The following SPNS3 variants were observed in gnomAD, a reference collection of about 807,000 sequenced individuals.
SPNS3 encodes the protein protein spinster homolog 3.
In SPNS3, 51 loss-of-function variants were observed where a neutral mutation model predicts 54.4. The ratio of observed to expected loss-of-function variants is 0.94; its 90% CI spans 0.75 to 1.18. SPNS3 has a LOEUF of 1.18. SPNS3 is among the 50% of genes most tolerant of loss of function. SPNS3 has a pLI of 0.00. For synonymous variants in SPNS3, 309 were observed against 294.7 expected, an observed-to-expected ratio of 1.05 and a Z score of -0.50; for missense variants, 669 against 677.4, an observed-to-expected ratio of 0.99 and a Z score of 0.14.
intron 8 of SPNS3, among the ~76,000 whole-genome samples, chr17:4,464,447 G>C (rs889005925): frequency 6.6e-6 from 1 of 152,250 alleles, no homozygotes; most frequent in African/African-American, 2.4e-5. Context: ...CCTTAGGTGG[G>C]CTTTGTGGTC....
Position 4,475,366 on chromosome 17 carries a change from G to A in SPNS3, c.1114-3206G>A, listed in dbSNP as rs1971962326. ...GAGGGATGGTGGGGCCTGGGAAACT[G>A]GGGAGGAGATGGCCGGGGAGGCCTG... On this transcript the variant is annotated intron_variant, in intron 8 of 11. Transcript: ENST00000355530. Among the ~76,000 whole-genome samples, 2 of 152,236 alleles carry A rather than the reference G, an allele frequency of 1.3e-5. 1 individual carries two copies. The highest frequency in any genetic ancestry group is 1.3e-4 in the Admixed American group (2 of 15,286).
chr17:4,481,464 A>G (rs1297982854), intron 9 of SPNS3, among the ~76,000 whole-genome samples: 1 of 152,152 alleles, frequency 6.6e-6, no homozygotes, highest in Non-Finnish European at 1.5e-5. Context: ...CCACAGAACA[A>G]GGGAGCAGGA....
intron 4 of SPNS3, 168 bp from the exon 5 acceptor site, chr17:4,446,728 T>G: frequency 3.1e-6 from 2 of 649,864 alleles, no homozygotes; most frequent in South Asian, 3.5e-5. Flanking sequence ...CCGAGGGCAG[T>G]GGACATCTGG....
Position 4,448,265 on chromosome 17 carries a change from G to A in SPNS3, c.732G>A (p.Arg244=), listed in dbSNP as rs12450838. 579,342 of 1,593,642 alleles carry A rather than the reference G, an allele frequency of 0.36. 111,643 individuals carry two copies. Among genetic ancestry groups the A allele is most frequent in the Admixed American group, 0.47 (26,368 of 55,644 alleles). Residue 244 remains arginine (R), a synonymous_variant, in exon 6 of 12, where the codon AGG becomes AGA. Coordinates refer to ENST00000355530, the MANE Select transcript of SPNS3 (RefSeq NM_182538.5). ...GGGAGGGGGCCGTGGGAGGCTTCAG[G>A]AGCAGCTGGTGTGAGGACGTCAGAT... ...TQGEGAVGGF[R]SSWCEDVRYL... is the part of the protein sequence containing the mutation.
chr17:4,463,604 C>T (rs148030595), intron 8 of SPNS3, among the ~76,000 whole-genome samples: 2,154 of 150,762 alleles, frequency 0.014, 20 homozygotes, highest in Non-Finnish European at 0.023. Flanking sequence ...CTGGGCGTGG[C>T]GGCATGCGCC....
rs530031084 is a variant in SPNS3 at position 4,471,905 on chromosome 17, C to G, written c.1114-6667C>G. Among the ~76,000 whole-genome samples the G allele has an allele frequency of 3.3e-5, 5 of 151,626 alleles. No homozygotes were observed. The East Asian group carries it at 5.9e-4, about 18-fold the overall frequency. On this transcript the variant is annotated intron_variant, in intron 8 of 11. Coordinates refer to ENST00000355530, the MANE Select transcript of SPNS3 (RefSeq NM_182538.5). Reference sequence around the variant, plus strand: ...ACAGAGTCTCACTCTGTCGCCCAAGCTGGAGTGCAGTGGCACAATCTCAGC... The same window carrying G: ...ACAGAGTCTCACTCTGTCGCCCAAGGTGGAGTGCAGTGGCACAATCTCAGC...
At chr17:4,434,276 C>G in intron 1 of SPNS3, 110 bp downstream of exon 1, 2 of 1,106,016 alleles carry the variant, frequency 1.8e-6, no homozygotes, top group Non-Finnish European at 2.6e-6. Context: ...GCTCCTGGGC[C>G]CATCTCTGGT....
intron 9 of SPNS3, among the ~76,000 whole-genome samples, chr17:4,481,180 G>T (rs139286348): frequency 2.6e-5 from 4 of 152,094 alleles, no homozygotes; most frequent in Admixed American, 2.6e-4. Context: ...TTCAAGAGGG[G>T]AGGACAGAAC....
At chr17:4,468,261 A>G (rs902386135) in intron 8 of SPNS3, among the ~76,000 whole-genome samples, 1 of 152,234 alleles carries the variant, frequency 6.6e-6, no homozygotes, top group Non-Finnish European at 1.5e-5. Context: ...AGCCTGGGCA[A>G]CATAGAGAGA....
At chr17:4,484,667 G>C (rs562651749) in intron 9 of SPNS3, among the ~76,000 whole-genome samples, 168 of 152,148 alleles carry the variant, frequency 1.1e-3, no homozygotes, top group African/African-American at 3.9e-3. Context: ...CTAGGTCTTG[G>C]GGATACGGCT....
intron 8 of SPNS3, among the ~76,000 whole-genome samples, chr17:4,455,205 C>T (rs55650132): frequency 0.059 from 8,946 of 152,292 alleles, 330 homozygotes; most frequent in Middle Eastern, 0.12. Flanking sequence ...TGAGCCATCA[C>T]GCCCAGCCCC....
Position 4,478,610 on chromosome 17 carries a change from C to T in SPNS3, c.1152C>T (p.Asn384=), listed in dbSNP as rs769681698. 6 of 1,590,054 alleles carry T rather than the reference C, an allele frequency of 3.8e-6. No individual in the cohort carries two copies. The highest frequency in any genetic ancestry group is 4.3e-6 in the Non-Finnish European group (5 of 1,168,304). ...TTGGGGAGCTGCTTCTGTCCTGCAACTGGGCAGTGGTTGCCGACATCCTGC... is the reference window on the plus strand; with the variant it reads ...TTGGGGAGCTGCTTCTGTCCTGCAATTGGGCAGTGGTTGCCGACATCCTGC... ...LGLGELLLSC[N]WAVVADILLS... is the part of the protein sequence containing the mutation. Residue 384 remains asparagine (N), a synonymous_variant, in exon 9 of 12, where the codon AAC becomes AAT. Transcript: ENST00000355530.
intron 8 of SPNS3, among the ~76,000 whole-genome samples, chr17:4,465,798 A>G (rs972462680): frequency 1.3e-5 from 2 of 152,200 alleles, no homozygotes; most frequent in Non-Finnish European, 2.9e-5. Flanking sequence ...TGGAACTGGA[A>G]ATATTGCAGT....
chr17:4,452,283 G>A (rs866244733), intron 7 of SPNS3, among the ~76,000 whole-genome samples: 7 of 152,062 alleles, frequency 4.6e-5, no homozygotes, highest in African/African-American at 1.7e-4. Flanking sequence ...TTTTTGTAGA[G>A]ACAAAATCTT....
chr17:4,458,598 T>TTTCC (rs1567563875), intron 8 of SPNS3, among the ~76,000 whole-genome samples: 1 of 90,050 alleles, frequency 1.1e-5, no homozygotes, highest in Non-Finnish European at 2.3e-5. Context: ...CCTTTCTTTC[T>TTTCC]TTCTTTCTTT....
Position 4,486,617 on chromosome 17 carries a change from G to C in SPNS3, c.1450+34G>C, listed in dbSNP as rs753535438. The C allele has an allele frequency of 6.3e-7, 1 of 1,585,682 alleles. No homozygotes were observed. The highest frequency in any genetic ancestry group is 8.6e-7 in the Non-Finnish European group (1 of 1,164,896). Reference sequence around the variant, plus strand: ...CCCATTGCACCAGGCCCGGCTCAGGGCCGGCACCCTAGGGACAGACAGCAC... The same window carrying C: ...CCCATTGCACCAGGCCCGGCTCAGGCCCGGCACCCTAGGGACAGACAGCAC... On this transcript the variant is annotated intron_variant, in intron 11 of 11. Transcript: ENST00000355530. This position sits in a 1 kb window ranked among gnomAD's most constrained non-coding sequence, Gnocchi z 5.5.
chr17:4,468,220 C>T (rs779746604), intron 8 of SPNS3, among the ~76,000 whole-genome samples: 1 of 151,958 alleles, frequency 6.6e-6, no homozygotes, highest in Non-Finnish European at 1.5e-5. Context: ...GTGGAAGAAT[C>T]GCTTGAGCTT....
chr17:4,463,901 G>C (rs1224206212), intron 8 of SPNS3, among the ~76,000 whole-genome samples: 6 of 152,110 alleles, frequency 3.9e-5, no homozygotes, highest in African/African-American at 1.4e-4. Context: ...ATCTGTGCAC[G>C]AGCATGCACA....
chr17:4,441,271 C>T (rs373459543), intron 2 of SPNS3, among the ~76,000 whole-genome samples: 56 of 152,268 alleles, frequency 3.7e-4, no homozygotes, highest in African/African-American at 1.3e-3. Flanking sequence ...GCCTGTAATC[C>T]CAGCTCTTAG....
Sources: gnomAD v4.1 joint callset for allele counts (sites outside exome capture counted in the v4.1 genomes callset) on GRCh38, gnomAD v4.1.1 for gene constraint, Gnocchi (gnomAD v3.1) non-coding constraint, MANE v1.5 for transcripts, NCBI Gene and HGNC (gene_info 2026-07-23, HGNC 2026-07-21) for gene names.